Variants in PLA2G2C observed in about 807,000 individuals in gnomAD.
The protein encoded by PLA2G2C is phospholipase A2 group IIC, also known as putative inactive group IIC secretory phospholipase A2.
In PLA2G2C, 15 loss-of-function variants were observed where a neutral mutation model predicts 14.3. The observed-to-expected ratio is 1.05, with a 90% confidence interval of 0.70 to 1.62. PLA2G2C has a LOEUF of 1.62. PLA2G2C is among the 40% of genes most tolerant of loss of function. The pLI is 0.00. For synonymous variants in PLA2G2C, 79 were observed against 67.7 expected (o/e 1.17, Z -0.82); for missense variants, 162 against 173.2 (o/e 0.94, Z 0.36).
chr1:20,165,004 T>C (rs1337959955), intron 4 of PLA2G2C, among the ~76,000 whole-genome samples: 4 of 152,242 alleles, frequency 2.6e-5, no homozygotes, highest in Non-Finnish European at 5.9e-5. Flanking sequence ...ACAGCCCCAG[T>C]GTGGTTTCCT....
Position 20,163,136 on chromosome 1 carries a change from G to C in PLA2G2C, c.*855C>G, listed in dbSNP as rs2017894011. ...CTGGGCTCAGCTGGACAGTTGTTTT[G>C]GTCTCAGCCAGGTTCCCTCACACAT... On this transcript the variant is annotated 3_prime_UTR_variant, in exon 5 of 5. Transcript: ENST00000679259. 1 of 152,238 alleles carries C rather than the reference G, an allele frequency of 6.6e-6. No individual in the cohort carries two copies. The highest frequency in any genetic ancestry group is 2.1e-4 in the South Asian group (1 of 4,834). 9.4% of individuals were successfully genotyped at this position (152,238 alleles called of 1,614,324 possible).
intron 1 of PLA2G2C, among the ~76,000 whole-genome samples, chr1:20,183,156 A>G (rs946637427): frequency 2.5e-4 from 38 of 152,364 alleles, no homozygotes; most frequent in African/African-American, 8.7e-4. Flanking sequence ...CTCACTAAGC[A>G]CTTGGCACGT....
chr1:20,179,351 G>C (rs1446370774), intron 1 of PLA2G2C, among the ~76,000 whole-genome samples: 1 of 149,692 alleles, frequency 6.7e-6, no homozygotes, highest in Non-Finnish European at 1.5e-5. Flanking sequence ...TTTATGTTGG[G>C]CTCTGTGCGT....
chr1:20,184,374 A>T (rs1321483369), intron 1 of PLA2G2C: 1 of 152,238 alleles, frequency 6.6e-6, no homozygotes, highest in Non-Finnish European at 1.5e-5. Flanking sequence ...AGAATCATTA[A>T]CAAGAAATAA....
In PLA2G2C at chr1:20,163,500, G is replaced by A. The variant is rs1195635464; in HGVS notation, c.*491C>T. 6.5e-6 allele frequency: 1 copy of A among 152,782 alleles called. No individual in the cohort carries two copies. The highest frequency in any genetic ancestry group is 1.5e-5 in the Non-Finnish European group (1 of 68,462). The allele number at this position is 152,782 out of a possible 1,614,324, so 9.5% of individuals were successfully genotyped here. A position where few individuals can be genotyped will look rare whatever the true frequency, so the allele number is the denominator to read the frequency against. ...AGGACGCAGAGGGGCAAGGAAAGTG[G>A]TGGCTTTGTTGCCAGCTAGAGCTGG... On this transcript the variant is annotated 3_prime_UTR_variant, in exon 5 of 5. Transcript: ENST00000679259.
At chr1:20,184,328 TGAA>T (rs1026226990) in intron 1 of PLA2G2C, 5 of 152,310 alleles carry the variant, frequency 3.3e-5, no homozygotes, top group Non-Finnish European at 7.4e-5. Context: ...GGGTGGGTGA[TGAA>T]GGGCTGAAGA....
At chr1:20,168,907 A>G (rs2018023070) in intron 4 of PLA2G2C, among the ~76,000 whole-genome samples, 1 of 152,240 alleles carries the variant, frequency 6.6e-6, no homozygotes, top group Non-Finnish European at 1.5e-5. Flanking sequence ...CCCTACCACC[A>G]GGCAAATTGG....
At chr1:20,164,232 G>T in intron 4 of PLA2G2C, 75 bp from the exon 5 acceptor site, 2 of 1,463,530 alleles carry the variant, frequency 1.4e-6, no homozygotes, top group Non-Finnish European at 1.8e-6. Context: ...GGGAGAACTG[G>T]GAGCTCACTG....
chr1:20,163,970 G>A lies in PLA2G2C; in HGVS notation c.*21C>T. ...AACACTAGAGCGGATGCTGGATGAT[G>A]AGAGGGACCCTGTGGTGTCCCTAGC... On this transcript the variant is annotated 3_prime_UTR_variant, in exon 5 of 5. Transcript: ENST00000679259. The A allele has an allele frequency of 6.2e-7, 1 of 1,605,748 alleles. No individual in the cohort carries two copies. Among genetic ancestry groups the A allele is most frequent in the Middle Eastern group, 1.7e-4 (1 of 6,022 alleles).
intron 1 of PLA2G2C, among the ~76,000 whole-genome samples, chr1:20,179,196 CT>C (rs1383527364): frequency 1.4e-5 from 2 of 147,848 alleles, no homozygotes; most frequent in Non-Finnish European, 3.0e-5. Flanking sequence ...TCAACTTCCC[CT>C]CTATGTCAGT....
intron 1 of PLA2G2C, chr1:20,184,423 A>T (rs1210145827): frequency 1.3e-5 from 2 of 152,244 alleles, no homozygotes; most frequent in African/African-American, 4.8e-5. Context: ...AGCTCCTAAA[A>T]CCACCATCTT....
intron 1 of PLA2G2C, chr1:20,184,189 G>GTGCACA (rs1438798828): frequency 1.0e-4 from 11 of 106,506 alleles, no homozygotes; most frequent in Admixed American, 5.5e-4. Flanking sequence ...GCGCGTGCGT[G>GTGCACA]CGCACACGCA....
chr1:20,178,570 G>A (rs925932891), intron 1 of PLA2G2C, among the ~76,000 whole-genome samples: 7 of 152,142 alleles, frequency 4.6e-5, no homozygotes, highest in Non-Finnish European at 7.3e-5. Context: ...ATTGCTGTGC[G>A]GGATGTTTTT....
At position 20,171,619 on chromosome 1, in the gene PLA2G2C, C is replaced by A. The variant is rs561534610; in HGVS notation, c.283+1175G>T. 1.6e-4 allele frequency among the ~76,000 whole-genome samples: 25 copies of A among 152,178 alleles called. No individual in the cohort carries two copies. In the South Asian group the frequency reaches 4.4e-3, roughly 27 times the overall value. On this transcript the variant is annotated intron_variant, in intron 4 of 4. Transcript: ENST00000679259. ...GATGAGTGGCAGAGAGGTGGTAGTT[C>A]CCTGACCTCAGGAGGAAACAGAGGA...
intron 4 of PLA2G2C, among the ~76,000 whole-genome samples, chr1:20,171,459 A>G (rs867977268): frequency 2.0e-5 from 3 of 152,166 alleles, no homozygotes; most frequent in Middle Eastern, 3.2e-3. Context: ...AGCTGGTGCC[A>G]GGGAGACCTC....
chr1:20,168,991 T>C (rs2100714070), intron 4 of PLA2G2C, among the ~76,000 whole-genome samples: 1 of 152,106 alleles, frequency 6.6e-6, no homozygotes, highest in Non-Finnish European at 1.5e-5. Flanking sequence ...ACAGACCAAG[T>C]TGTTTTCTTC....
intron 1 of PLA2G2C, among the ~76,000 whole-genome samples, chr1:20,183,218 T>C (rs1489383805): frequency 6.6e-6 from 1 of 152,198 alleles, no homozygotes; most frequent in East Asian, 1.9e-4. Flanking sequence ...ATCACCATTC[T>C]AGAGATGCGG....
chr1:20,175,315 A>G, intron 2 of PLA2G2C, 170 bp from the exon 3 acceptor site: 1 of 966,208 alleles, frequency 1.0e-6, no homozygotes, highest in Non-Finnish European at 1.5e-6. Flanking sequence ...TGGGGAATAA[A>G]ATAGGTTCAG....
At chr1:20,177,827 C>T (rs2018212607) in intron 1 of PLA2G2C, among the ~76,000 whole-genome samples, 1 of 152,166 alleles carries the variant, frequency 6.6e-6, no homozygotes, top group Admixed American at 6.5e-5. Context: ...CAGTGCCTTC[C>T]TTCCTTGATA....
Sources: gnomAD v4.1 joint callset for allele counts (sites outside exome capture counted in the v4.1 genomes callset) on GRCh38, gnomAD v4.1.1 for gene constraint, MANE v1.5 for transcripts, NCBI Gene and HGNC (gene_info 2026-07-23, HGNC 2026-07-21) for gene names.